The following ZNG1A variants were observed in gnomAD, a reference collection of about 807,000 sequenced individuals.
The protein encoded by ZNG1A is zinc-regulated GTPase metalloprotein activator 1A.
At chr9:134,860 C>CA in the ZNG1A span, 83 of 697,336 alleles carry the variant, frequency 1.2e-4, 1 homozygote, top group Middle Eastern at 4.1e-4. Context: ...CAACACAGTT[C>CA]AAAAATACCA....
chr9:127,721 C>T, the ZNG1A span, among the ~76,000 whole-genome samples: 13 of 152,170 alleles, frequency 8.5e-5, no homozygotes, highest in Non-Finnish European at 1.8e-4. Context: ...ATTCATCATG[C>T]TATTTGTTGC....
chr9:128,178 T>C, the ZNG1A span, among the ~76,000 whole-genome samples: 1 of 151,570 alleles, frequency 6.6e-6, no homozygotes, highest in Non-Finnish European at 1.5e-5. Flanking sequence ...CTTTTTGCGA[T>C]GAATTTCCCA....
At chr9:140,666 C>G in the ZNG1A span, among the ~76,000 whole-genome samples, 1 of 152,044 alleles carries the variant, frequency 6.6e-6, no homozygotes, top group Non-Finnish European at 1.5e-5. Context: ...AGCTCCTCAC[C>G]AGCAACGGAA....
At chr9:122,333 A>T in the ZNG1A span, 2 of 1,383,412 alleles carry the variant, frequency 1.4e-6, no homozygotes, top group African/African-American at 2.9e-5. Context: ...TTCTAATGAT[A>T]AAGTTAATAC....
At chr9:157,806 G>A in the ZNG1A span, among the ~76,000 whole-genome samples, 45 of 148,974 alleles carry the variant, frequency 3.0e-4, no homozygotes, top group East Asian at 6.9e-3. Flanking sequence ...ACAATTCATG[G>A]GGAGATGATC....
the ZNG1A span, among the ~76,000 whole-genome samples, chr9:130,468 G>A: frequency 2.4e-5 from 3 of 122,944 alleles, no homozygotes; most frequent in South Asian, 9.2e-4. Flanking sequence ...GTCTCACTCT[G>A]TTGCCCAGGC....
the ZNG1A span, chr9:156,331 T>C: frequency 1.0e-3 from 1,132 of 1,130,472 alleles, 16 homozygotes; most frequent in East Asian, 0.025. Flanking sequence ...TCATTATAAA[T>C]AGATAGCAAT....
the ZNG1A span, chr9:146,318 T>G: frequency 3.1e-6 from 2 of 655,472 alleles, no homozygotes; most frequent in Admixed American, 3.4e-5. Flanking sequence ...GATTGAAAAT[T>G]ATTTGTTTAT....
chr9:166,261 A>T, the ZNG1A span: 1 of 141,010 alleles, frequency 7.1e-6, no homozygotes, highest in Admixed American at 7.1e-5. Flanking sequence ...TAAAAGCCAC[A>T]TTGCCCCATT....
At chr9:145,296 C>T in the ZNG1A span, among the ~76,000 whole-genome samples, 2 of 150,464 alleles carry the variant, frequency 1.3e-5, no homozygotes, top group African/African-American at 4.9e-5. Context: ...TTGGAACCAA[C>T]CCAAATGTCC....
chr9:175,877 C>G, the ZNG1A span: 9 of 1,372,536 alleles, frequency 6.6e-6, no homozygotes, highest in Non-Finnish European at 8.7e-6. Context: ...TGAGAATTTG[C>G]GTGCTATTTT....
At chr9:166,912 T>C in the ZNG1A span, 1 of 152,094 alleles carries the variant, frequency 6.6e-6, no homozygotes, top group South Asian at 2.1e-4. Context: ...ACTGGTGTCA[T>C]GAAGTAGAGG....
At chr9:124,953 T>C in the ZNG1A span, among the ~76,000 whole-genome samples, 2 of 152,194 alleles carry the variant, frequency 1.3e-5, no homozygotes, top group Non-Finnish European at 2.9e-5. Flanking sequence ...TATCCACGCA[T>C]TGATTGATGG....
At chr9:163,571 G>A in the ZNG1A span, among the ~76,000 whole-genome samples, 1 of 152,070 alleles carries the variant, frequency 6.6e-6, no homozygotes, top group Non-Finnish European at 1.5e-5. Context: ...AGGAATTAAA[G>A]TTATAATATG....
chr9:171,219 A>T, the ZNG1A span, among the ~76,000 whole-genome samples: 1 of 152,188 alleles, frequency 6.6e-6, no homozygotes, highest in Non-Finnish European at 1.5e-5. Flanking sequence ...CACTGATCAC[A>T]TTTGAACTCT....
the ZNG1A span, among the ~76,000 whole-genome samples, chr9:129,717 T>G: frequency 6.6e-5 from 10 of 150,688 alleles, 1 homozygote; most frequent in African/African-American, 2.5e-4. Context: ...TCATGCAAGA[T>G]GAAAAGGTCC....
chr9:128,059 T>G, the ZNG1A span, among the ~76,000 whole-genome samples: 1 of 152,152 alleles, frequency 6.6e-6, no homozygotes, highest in Non-Finnish European at 1.5e-5. Context: ...AGAAATGTGC[T>G]GTTAATCTGG....
chr9:140,627 G>A, the ZNG1A span, among the ~76,000 whole-genome samples: 34 of 142,558 alleles, frequency 2.4e-4, no homozygotes, highest in Non-Finnish European at 4.0e-4. Flanking sequence ...CCAAAGGAAC[G>A]CAGCGCCTCT....
chr9:123,388 GA>G, the ZNG1A span: 2 of 1,581,030 alleles, frequency 1.3e-6, no homozygotes, highest in African/African-American at 2.7e-5. Context: ...GCATTCACCT[GA>G]ATAAACATAT....
Sources: allele counts gnomAD v4.1 joint callset (sites outside exome capture counted in the v4.1 genomes callset), GRCh38; gene constraint gnomAD v4.1.1; transcripts MANE v1.5; gene names NCBI Gene and HGNC (gene_info 2026-07-23, HGNC 2026-07-21).